The following SYT14 variants were observed in gnomAD, a reference collection of about 807,000 sequenced individuals.
SYT14 encodes synaptotagmin 14.
In SYT14, 32 loss-of-function variants were observed where a neutral mutation model predicts 74.2. The observed-to-expected ratio is 0.43, with a 90% CI of 0.33 to 0.58. The LOEUF (loss-of-function observed/expected upper bound fraction) is 0.58. SYT14 is among the 20% of genes least tolerant of loss of function. The pLI is 0.05. For missense variants in SYT14, 791 were observed against 981.8 expected (o/e 0.81, Z 2.60); for synonymous variants, 298 against 337.7 (o/e 0.88, Z 1.29).
Position 210,036,724 on chromosome 1 carries a change from G to A in SYT14, c.1312+15470G>A, listed in dbSNP as rs900593257. Among the ~76,000 whole-genome samples, 10 of 152,132 alleles carry A rather than the reference G, an allele frequency of 6.6e-5. No homozygotes were observed. The East Asian group carries it at 1.9e-3, about 29-fold the overall frequency. On this transcript the variant is annotated intron_variant, in intron 5 of 9. Coordinates refer to ENST00000637265, the Ensembl canonical transcript of SYT14. ...TTGTTTTTAATTCTGTTTATGTGGT[G>A]AATCTCATTTATTGATTTGCATATG...
At chr1:210,049,095 G>C (rs1394054463) in intron 5 of SYT14, among the ~76,000 whole-genome samples, 1 of 152,230 alleles carries the variant, frequency 6.6e-6, no homozygotes, top group African/African-American at 2.4e-5. Context: ...CTCCTTCCTG[G>C]CTGCTTTCAC....
At chr1:209,985,246 G>A (rs541029545) in intron 2 of SYT14, among the ~76,000 whole-genome samples, 2 of 152,234 alleles carry the variant, frequency 1.3e-5, no homozygotes, top group Non-Finnish European at 2.9e-5. Context: ...ATACAGTGTG[G>A]ATAGAGACAT....
intron 1 of SYT14, among the ~76,000 whole-genome samples, chr1:209,944,310 G>A (rs535325950): frequency 1.3e-3 from 204 of 152,228 alleles, no homozygotes; most frequent in African/African-American, 4.7e-3. Context: ...AGTCAAAAAC[G>A]TAATTGACTA....
chr1:210,080,050 G>C (rs1438009677), intron 5 of SYT14, among the ~76,000 whole-genome samples: 7 of 152,104 alleles, frequency 4.6e-5, no homozygotes, highest in Non-Finnish European at 7.4e-5. Flanking sequence ...TTTAATTCTA[G>C]ATTTATCTAG....
intron 5 of SYT14, among the ~76,000 whole-genome samples, chr1:210,065,212 T>C (rs894270559): frequency 1.3e-5 from 2 of 152,070 alleles, no homozygotes; most frequent in African/African-American, 4.8e-5. Context: ...ATGGTTTCGC[T>C]TTGTCCCCAC....
intron 5 of SYT14, among the ~76,000 whole-genome samples, chr1:210,073,598 T>A (rs2081434576): frequency 6.6e-6 from 1 of 152,072 alleles, no homozygotes; most frequent in Admixed American, 6.5e-5. Flanking sequence ...TTGCCTTTAT[T>A]GATATATACT....
At chr1:209,968,211 A>G (rs976845305) in intron 2 of SYT14, among the ~76,000 whole-genome samples, 1 of 152,146 alleles carries the variant, frequency 6.6e-6, no homozygotes, top group African/African-American at 2.4e-5. Context: ...TGTTTTCTAA[A>G]ATAGACATTG....
chr1:210,106,190 T>C (rs1218930990), intron 7 of SYT14, among the ~76,000 whole-genome samples: 1 of 151,978 alleles, frequency 6.6e-6, no homozygotes, highest in African/African-American at 2.4e-5. Context: ...TGTTAAGGAG[T>C]GCTCTTGGGA....
intron 5 of SYT14, among the ~76,000 whole-genome samples, chr1:210,093,599 A>C (rs764123068): frequency 3.9e-5 from 6 of 152,240 alleles, no homozygotes; most frequent in Non-Finnish European, 8.8e-5. Context: ...GTTAACTGCT[A>C]GAGGTAGAGA....
chr1:209,955,512 G>A (rs1334953369), intron 2 of SYT14, among the ~76,000 whole-genome samples: 1 of 151,908 alleles, frequency 6.6e-6, no homozygotes, highest in East Asian at 1.9e-4. Flanking sequence ...TCCTGCTGCT[G>A]TCATTGTAGT....
At chr1:209,977,612 G>A (rs2079392553) in intron 2 of SYT14, among the ~76,000 whole-genome samples, 1 of 152,130 alleles carries the variant, frequency 6.6e-6, no homozygotes, top group Non-Finnish European at 1.5e-5. Flanking sequence ...TGGGTAACCC[G>A]ACCTTTCTCT....
intron 1 of SYT14, among the ~76,000 whole-genome samples, chr1:209,942,985 ATATTG>A (rs1558082942): frequency 6.6e-6 from 1 of 152,132 alleles, no homozygotes; most frequent in Non-Finnish European, 1.5e-5. Flanking sequence ...CTACATACAT[ATATTG>A]TATTTTTAAA....
exon 10 of SYT14, chr1:210,165,052 A>C (rs12133399): frequency 1.3e-5 from 2 of 152,086 alleles, no homozygotes; most frequent in South Asian, 4.1e-4. Flanking sequence ...TCTCAAAACA[A>C]TACTGTGAGG....
rs1205904985 is a variant in SYT14 at position 209,949,944 on chromosome 1, A to G, written c.-533-2765A>G. On this transcript the variant is annotated intron_variant, in intron 1 of 9. Transcript: ENST00000637265. Reference sequence around the variant, plus strand: ...AAAAATTTAAGAGGTTCTTTTATATAATATAGATAAATTGAATGCTTTTAA... The same window carrying G: ...AAAAATTTAAGAGGTTCTTTTATATGATATAGATAAATTGAATGCTTTTAA... Among the ~76,000 whole-genome samples the G allele has an allele frequency of 2.0e-5, 3 of 152,204 alleles. No individual in the cohort carries two copies. In the East Asian group the frequency reaches 5.8e-4, roughly 29 times the overall value.
intron 5 of SYT14, 63 bp from the exon 5 acceptor site, chr1:210,094,259 T>G (rs2081928773): frequency 1.2e-6 from 2 of 1,607,452 alleles, no homozygotes; most frequent in South Asian, 1.1e-5. Flanking sequence ...TTACAATTAT[T>G]GTAGACTATA....
chr1:210,062,237 G>A (rs2081219188), intron 5 of SYT14, among the ~76,000 whole-genome samples: 2 of 151,822 alleles, frequency 1.3e-5, no homozygotes, highest in African/African-American at 4.8e-5. Flanking sequence ...ATGAGTGGCA[G>A]GTTAAAAATA....
chr1:210,161,514 C>A (rs2083372627), exon 10 of SYT14: 1 of 453,824 alleles, frequency 2.2e-6, no homozygotes, highest in Admixed American at 2.4e-5. Flanking sequence ...CCAACTCTAT[C>A]ATAAGTCATA....
intron 2 of SYT14, among the ~76,000 whole-genome samples, chr1:209,963,586 C>T (rs1362137247): frequency 6.6e-6 from 1 of 152,112 alleles, no homozygotes; most frequent in Non-Finnish European, 1.5e-5. Context: ...GTTATTTATT[C>T]TGGCCTGTCA....
Position 209,953,616 on chromosome 1 carries a change from TC to T in SYT14, c.-486+861del, listed in dbSNP as rs1417506566. Reference sequence around the variant, plus strand: ...GTATGAGAGGCATGGCAGGAAAATATCAGCATGTTTTCAGTAAGTCTTTAAC... The same window carrying T: ...GTATGAGAGGCATGGCAGGAAAATATAGCATGTTTTCAGTAAGTCTTTAAC... On this transcript the variant is annotated intron_variant, in intron 2 of 9. Transcript: ENST00000637265. Among the ~76,000 whole-genome samples, 5 of 152,314 alleles carry T rather than the reference TC, an allele frequency of 3.3e-5. No homozygotes were observed. The East Asian group carries it at 9.7e-4, about 29-fold the overall frequency.
Sources: allele counts gnomAD v4.1 joint callset (sites outside exome capture counted in the v4.1 genomes callset), GRCh38; gene constraint gnomAD v4.1.1; transcripts MANE v1.5; gene names NCBI Gene and HGNC (gene_info 2026-07-23, HGNC 2026-07-21).